The following NBEA variants were observed in gnomAD, a reference collection of about 807,000 sequenced individuals.
NBEA encodes the protein lysosomal-trafficking regulator 2.
NBEA carries 44 observed loss-of-function variants against 343.4 expected under a neutral mutation model. That is an observed-to-expected ratio of 0.13 (90% CI 0.10 to 0.16). NBEA has a LOEUF of 0.16. Among genes scored for constraint, NBEA ranks in the 10% least tolerant of loss-of-function variants. NBEA has a pLI of 1.00. For missense variants in NBEA, 2,555 were observed against 3,631.3 expected (o/e 0.70, Z 7.62); for synonymous variants, 1,175 against 1,238.7 (o/e 0.95, Z 1.08).
intron 47 of NBEA, among the ~76,000 whole-genome samples, chr13:35,598,180 TGTG>T (rs758345877): frequency 6.6e-6 from 1 of 152,130 alleles, no homozygotes; most frequent in Non-Finnish European, 1.5e-5. Flanking sequence ...ACACACAACA[TGTG>T]GTGGTAAGAC....
chr13:35,423,863 C>T (rs2152925353), intron 38 of NBEA, among the ~76,000 whole-genome samples: 1 of 152,260 alleles, frequency 6.6e-6, no homozygotes, highest in East Asian at 1.9e-4. Flanking sequence ...AGAGGTCCTT[C>T]ATATCCGTTG....
chr13:35,326,015 ATG>A (rs1400502086), intron 36 of NBEA, among the ~76,000 whole-genome samples: 1 of 151,926 alleles, frequency 6.6e-6, no homozygotes. Context: ...ATTGGTTTGT[ATG>A]TGTGTTGTAC....
Position 35,070,713 on chromosome 13 carries a change from A to G in NBEA, c.1438-6A>G. On this transcript the variant is annotated splice_region_variant and splice_polypyrimidine_tract_variant and intron_variant, in intron 9 of 58. Transcript: ENST00000379939. ...GTTTAATAAACATTTTTGTTTTTGG[A>G]CATAGGATGTGAAAGCGATAGTAAC... is the stretch of plus-strand genomic sequence containing the variant. 1.9e-6 allele frequency: 3 copies of G among 1,575,556 alleles called. No individual in the cohort carries two copies. The highest frequency in any genetic ancestry group is 2.6e-6 in the Non-Finnish European group (3 of 1,154,838).
intron 1 of NBEA, among the ~76,000 whole-genome samples, chr13:35,020,489 T>A (rs1246297235): frequency 6.6e-6 from 1 of 152,152 alleles, no homozygotes; most frequent in African/African-American, 2.4e-5. Context: ...AATAACAATT[T>A]AGTAAAGTTG....
At position 35,055,177 on chromosome 13, in the gene NBEA, A is replaced by T. The variant is rs575196176; in HGVS notation, c.973-833A>T. Among the ~76,000 whole-genome samples, 9 of 152,266 alleles carry T rather than the reference A, an allele frequency of 5.9e-5. No individual in the cohort carries two copies. The South Asian group carries it at 1.5e-3, about 25-fold the overall frequency. On this transcript the variant is annotated intron_variant, in intron 6 of 58. Coordinates refer to ENST00000379939, the MANE Select transcript of NBEA (RefSeq NM_001385012.1). ...TTTTCCCCCCTTAACTTCAGAAAGC[A>T]TACTTGTTCAAATGTTTACAAATCA...
At chr13:34,999,410 A>T (rs1335243930) in intron 1 of NBEA, among the ~76,000 whole-genome samples, 1 of 152,026 alleles carries the variant, frequency 6.6e-6, no homozygotes, top group African/African-American at 2.4e-5. Flanking sequence ...CTTACCTGAA[A>T]TCTAAGTGCT....
intron 31 of NBEA, among the ~76,000 whole-genome samples, chr13:35,202,816 A>G (rs1368119937): frequency 2.0e-5 from 3 of 152,180 alleles, no homozygotes. Flanking sequence ...AAATTAGTAT[A>G]AGAAAGCTGC....
intron 1 of NBEA, among the ~76,000 whole-genome samples, chr13:34,959,730 T>C (rs9599904): frequency 0.083 from 12,689 of 152,080 alleles, 1,239 homozygotes; most frequent in African/African-American, 0.23. Context: ...GGACCACATA[T>C]ACAATGGTGG....
At chr13:35,665,705 C>G (rs991949952) in intron 56 of NBEA, among the ~76,000 whole-genome samples, 1 of 152,172 alleles carries the variant, frequency 6.6e-6, no homozygotes, top group African/African-American at 2.4e-5. Context: ...AGGCTCCCTG[C>G]AACTTCCGCC....
intron 40 of NBEA, among the ~76,000 whole-genome samples, chr13:35,465,934 A>G (rs2075369725): frequency 6.6e-6 from 1 of 152,074 alleles, no homozygotes; most frequent in Admixed American, 6.5e-5. Flanking sequence ...AGTCTTTCTC[A>G]GTACTTTTTA....
chr13:35,627,077 C>T (rs372049856), intron 48 of NBEA, among the ~76,000 whole-genome samples: 9 of 152,050 alleles, frequency 5.9e-5, no homozygotes, highest in African/African-American at 2.2e-4. Context: ...CAGTTTTTGG[C>T]AATCTTAATT....
intron 41 of NBEA, among the ~76,000 whole-genome samples, chr13:35,504,703 G>C (rs1239931434): frequency 6.6e-6 from 1 of 151,894 alleles, no homozygotes; most frequent in Non-Finnish European, 1.5e-5. Flanking sequence ...CACAATTATG[G>C]CTCACTGTAG....
Position 35,561,542 on chromosome 13 carries a change from C to G in NBEA, c.6923-5363C>G, listed in dbSNP as rs576890384. On this transcript the variant is annotated intron_variant, in intron 44 of 58. Transcript: ENST00000379939. ...ATTATTATTACACTCTCAGATTTATCTTTTTTCCCAAAAATATTATTTTAG... is the reference window on the plus strand; with the variant it reads ...ATTATTATTACACTCTCAGATTTATGTTTTTTCCCAAAAATATTATTTTAG... 4.6e-5 allele frequency among the ~76,000 whole-genome samples: 7 copies of G among 152,072 alleles called. No homozygotes were observed. In the South Asian group the frequency reaches 6.2e-4, roughly 13 times the overall value.
chr13:35,322,267 CA>C (rs1046515457), intron 36 of NBEA, among the ~76,000 whole-genome samples: 4 of 152,206 alleles, frequency 2.6e-5, no homozygotes, highest in Non-Finnish European at 1.5e-5. Flanking sequence ...GGGTTGCAAA[CA>C]CTGTGGGAAA....
chr13:35,641,743 C>T (rs1042372689), intron 49 of NBEA, among the ~76,000 whole-genome samples: 1 of 151,996 alleles, frequency 6.6e-6, no homozygotes, highest in Non-Finnish European at 1.5e-5. Flanking sequence ...CATGTACCCA[C>T]CACCCAGACC....
intron 26 of NBEA, among the ~76,000 whole-genome samples, chr13:35,172,241 T>G (rs2070519994): frequency 6.6e-6 from 1 of 151,522 alleles, no homozygotes; most frequent in South Asian, 2.1e-4. Context: ...TTAAGAATGG[T>G]GGGATGAAAC....
At chr13:35,267,766 A>G (rs1247125084) in intron 34 of NBEA, among the ~76,000 whole-genome samples, 1 of 151,842 alleles carries the variant, frequency 6.6e-6, no homozygotes. Flanking sequence ...ACTAGTCATT[A>G]GGGAAATGCA....
chr13:35,441,009 T>C (rs2045709707), intron 39 of NBEA, among the ~76,000 whole-genome samples: 1 of 152,228 alleles, frequency 6.6e-6, no homozygotes, highest in South Asian at 2.1e-4. Context: ...CATTTTTAAA[T>C]GTTTTGGTGT....
intron 44 of NBEA, among the ~76,000 whole-genome samples, chr13:35,561,185 A>G (rs1277174547): frequency 6.6e-6 from 1 of 152,156 alleles, no homozygotes; most frequent in Non-Finnish European, 1.5e-5. Context: ...TGTGCATTTT[A>G]TCTTCCCAAT....
Sources: allele counts gnomAD v4.1 joint callset (sites outside exome capture counted in the v4.1 genomes callset), GRCh38; gene constraint gnomAD v4.1.1; transcripts MANE v1.5; gene names NCBI Gene and HGNC (gene_info 2026-07-23, HGNC 2026-07-21).